Variants in SPTA1 observed in about 807,000 individuals in gnomAD.
SPTA1 encodes the protein spectrin alpha, erythrocytic 1.
SPTA1 carries 177 observed loss-of-function variants against 324.7 expected under a neutral mutation model. The ratio of observed to expected loss-of-function variants is 0.55; its 90% CI spans 0.48 to 0.62. The LOEUF is 0.62. SPTA1 is among the 20% of genes least tolerant of loss of function. The pLI is 0.00. For synonymous variants in SPTA1, 1,195 were observed against 1,041.3 expected (o/e 1.15, Z -2.84); for missense variants, 3,162 against 2,883.6 (o/e 1.10, Z -2.21).
chr1:158,673,247 T>C (rs703115), intron 10 of SPTA1, among the ~76,000 whole-genome samples: 69,760 of 152,056 alleles, frequency 0.46, 16,453 homozygotes, highest in African/African-American at 0.57. Context: ...ATTATAATGT[T>C]CCCACAGAGT....
In SPTA1 at chr1:158,611,105, T is replaced by A; in HGVS notation, c.*159A>T. On this transcript the variant is annotated 3_prime_UTR_variant, in exon 52 of 52. Transcript: ENST00000643759. ...CTTGAGATTTTTTAAGATCCTACAATAAATGTAATATGCACACAAACACAA... is the reference window on the plus strand; with the variant it reads ...CTTGAGATTTTTTAAGATCCTACAAAAAATGTAATATGCACACAAACACAA... The A allele has an allele frequency of 1.0e-6, 1 of 956,814 alleles. No homozygotes were observed. Among genetic ancestry groups the A allele is most frequent in the East Asian group, 2.7e-5 (1 of 36,382 alleles). 59.3% of individuals were successfully genotyped at this position (956,814 alleles called of 1,614,324 possible).
At chr1:158,619,527 A>G (rs991972417) in intron 44 of SPTA1, among the ~76,000 whole-genome samples, 193 bp from the exon 45 acceptor site, 1 of 152,122 alleles carries the variant, frequency 6.6e-6, no homozygotes, top group Non-Finnish European at 1.5e-5. Flanking sequence ...TAGCCTGTGT[A>G]TTTCCCAAGA....
chr1:158,644,616 G>A (rs1431315537), intron 29 of SPTA1, among the ~76,000 whole-genome samples: 1 of 152,154 alleles, frequency 6.6e-6, no homozygotes, highest in East Asian at 1.9e-4. Context: ...TTCCTGGGGT[G>A]CTATTTCCTA....
intron 30 of SPTA1, among the ~76,000 whole-genome samples, chr1:158,643,817 CTG>C (rs1651793286): frequency 6.6e-6 from 1 of 152,094 alleles, no homozygotes; most frequent in African/African-American, 2.4e-5. Context: ...GCTGCCCTGC[CTG>C]CCTCAGTTTT....
At position 158,642,898 on chromosome 1, in the gene SPTA1, T is replaced by C; in HGVS notation, c.4521A>G (p.Arg1507=). The C allele has an allele frequency of 6.2e-7, 1 of 1,613,928 alleles. No individual in the cohort carries two copies. Among genetic ancestry groups the C allele is most frequent in the Non-Finnish European group, 8.5e-7 (1 of 1,179,896 alleles). The change falls in exon 32 of 52, where the codon CGA becomes CGG. Residue 1507 remains arginine (R), a synonymous_variant. Transcript: ENST00000643759. ...TCCATTCTTCCAGCTCCTCAAGGTC[T>C]CGGTAGAATTGTTTTAGGTTGGCAT... The part of the protein sequence containing the change: ...GDYANLKQFY[R]DLEELEEWIS...
chr1:158,672,078 C>G lies in SPTA1; in HGVS notation c.1469G>C (p.Ser490Thr). 6.2e-7 allele frequency: 1 copy of G among 1,614,050 alleles called. No homozygotes were observed. The highest frequency in any genetic ancestry group is 2.2e-5 in the East Asian group (1 of 44,874). The change falls in exon 11 of 52, where the codon AGT (serine) becomes ACT (threonine). Residue 490 changes from serine (S) to threonine (T), a missense_variant. Ser to Thr is a moderately conservative substitution (Grantham distance 58, BLOSUM62 1). Transcript: ENST00000643759. ...CGTTACCTCTTGTCTACTCATCCAA[C>G]TGTCCACTTGCTCACTGTCTCTGTA... The part of the protein sequence containing the change: ...LFYRDSEQVD[S>T]WMSRQEAFLE...
At chr1:158,644,878 G>A (rs189785547) in intron 29 of SPTA1, among the ~76,000 whole-genome samples, 105 of 152,206 alleles carry the variant, frequency 6.9e-4, no homozygotes, top group Middle Eastern at 6.8e-3. Flanking sequence ...GTGGCACTCC[G>A]AGCCTCCACA....
At chr1:158,666,555 ATAATATACC>A in intron 15 of SPTA1, 58 bp from the exon 16 acceptor site, 1 of 1,422,352 alleles carries the variant, frequency 7.0e-7, no homozygotes, top group Non-Finnish European at 9.8e-7. Flanking sequence ...TCTTTACACT[ATAATATACC>A]TTCCTCCAAT....
intron 5 of SPTA1, among the ~76,000 whole-genome samples, chr1:158,679,629 C>T (rs1343167183): frequency 2.6e-5 from 4 of 152,066 alleles, no homozygotes; most frequent in Admixed American, 6.6e-5. Flanking sequence ...CACCTTAGAT[C>T]CTTCACCCCA....
chr1:158,647,115 G>A (rs1331685430), intron 27 of SPTA1, among the ~76,000 whole-genome samples: 1 of 151,592 alleles, frequency 6.6e-6, no homozygotes, highest in East Asian at 1.9e-4. Context: ...TTAAAAGTTT[G>A]ACTGATAAGG....
chr1:158,657,454 T>C (rs759273092), intron 19 of SPTA1, 23 bp downstream of exon 19: 4 of 1,597,864 alleles, frequency 2.5e-6, no homozygotes, highest in African/African-American at 1.4e-5. Context: ...GGATTCACAA[T>C]GTTAAACCCA....
rs1300030426 is a variant in SPTA1, at chr1:158,613,858, A to T, written c.6852T>A (p.Asp2284Glu). The T allele has an allele frequency of 6.2e-7, 1 of 1,613,514 alleles. No homozygotes were observed. The highest frequency in any genetic ancestry group is 2.2e-5 in the East Asian group (1 of 44,860). ...GAGTCAGGCGCCCTGTCAAATTCTC[A>T]TCAAAGTGTCTAAAGGATAAAAAAA... ...KEFSTIYKHF[D>E]ENLTGRLTHK... The change falls in exon 50 of 52, where the codon GAT (aspartate) becomes GAA (glutamate). Residue 2284 changes from aspartate to glutamate, a missense_variant. By Grantham distance (45) the Asp-to-Glu change is conservative. Coordinates refer to ENST00000643759, the MANE Select transcript of SPTA1 (RefSeq NM_003126.4).
Position 158,611,166 on chromosome 1 carries a change from C to CACACACACACAA in SPTA1, c.*97_*98insTTGTGTGTGTGT. 2 of 1,387,702 alleles carry CACACACACACAA rather than the reference C, an allele frequency of 1.4e-6. No individual in the cohort carries two copies. Among genetic ancestry groups the CACACACACACAA allele is most frequent in the Non-Finnish European group, 2.0e-6 (2 of 989,744 alleles). 86.0% of individuals were successfully genotyped at this position (1,387,702 alleles called of 1,614,324 possible). ...ACACACACACACACACACACACACA[C>CACACACACACAA]GAGGCCATCTTTATCTTCCACATTT... On this transcript the variant is annotated 3_prime_UTR_variant, in exon 52 of 52. Coordinates refer to ENST00000643759, the MANE Select transcript of SPTA1 (RefSeq NM_003126.4).
At chr1:158,641,569 T>C (rs1271929194) in intron 33 of SPTA1, among the ~76,000 whole-genome samples, 5 of 152,220 alleles carry the variant, frequency 3.3e-5, no homozygotes, top group Non-Finnish European at 7.3e-5. Context: ...ATGCTCATCA[T>C]CACTGGTCAT....
chr1:158,635,213 G>T (rs1650981185), intron 38 of SPTA1, among the ~76,000 whole-genome samples: 1 of 152,126 alleles, frequency 6.6e-6, no homozygotes, highest in Admixed American at 6.5e-5. Context: ...GGCCTGGTGG[G>T]AGGTGATTGG....
intron 39 of SPTA1, among the ~76,000 whole-genome samples, chr1:158,630,850 A>T (rs993476423): frequency 6.6e-6 from 1 of 152,098 alleles, no homozygotes; most frequent in African/African-American, 2.4e-5. Context: ...TTGATTTAAA[A>T]ATGGGCTAAA....
chr1:158,650,820 T>C (rs1652373336), intron 24 of SPTA1, among the ~76,000 whole-genome samples: 1 of 152,202 alleles, frequency 6.6e-6, no homozygotes, highest in Non-Finnish European at 1.5e-5. Flanking sequence ...GAAAAAACTT[T>C]ACGTTTAATT....
At chr1:158,651,770 G>A (rs1208206318) in intron 23 of SPTA1, among the ~76,000 whole-genome samples, 1 of 152,086 alleles carries the variant, frequency 6.6e-6, no homozygotes, top group Non-Finnish European at 1.5e-5. Context: ...TGATACCTGA[G>A]CTGTGTAACA....
intron 47 of SPTA1, 147 bp downstream of exon 47, chr1:158,617,390 T>C (rs1446776294): frequency 1.4e-6 from 1 of 702,024 alleles, no homozygotes; most frequent in Non-Finnish European, 2.6e-6. Flanking sequence ...AGACTGAGGT[T>C]TATATTCATG....
Sources: allele counts gnomAD v4.1 joint callset (sites outside exome capture counted in the v4.1 genomes callset), GRCh38; gene constraint gnomAD v4.1.1; transcripts MANE v1.5; gene names NCBI Gene and HGNC (gene_info 2026-07-23, HGNC 2026-07-21).